The following GNAQ variants were observed in gnomAD, a reference collection of about 807,000 sequenced individuals.
GNAQ encodes guanine nucleotide-binding protein G(q) subunit alpha.
A neutral mutation model predicts 43.9 loss-of-function variants in GNAQ; 8 were observed. The ratio of observed to expected loss-of-function variants is 0.18; its 90% CI spans 0.11 to 0.33. GNAQ has a LOEUF of 0.33. GNAQ is among the 10% of genes least tolerant of loss of function. The pLI is 1.00. For missense variants in GNAQ, 158 were observed against 450.8 expected, an observed-to-expected ratio of 0.35 and a Z score of 5.88; for synonymous variants, 155 against 170.7, an observed-to-expected ratio of 0.91 and a Z score of 0.71.
intron 2 of GNAQ, among the ~76,000 whole-genome samples, chr9:77,890,227 A>G (rs1461631818): frequency 6.6e-6 from 1 of 152,218 alleles, no homozygotes; most frequent in Non-Finnish European, 1.5e-5. Flanking sequence ...CCATACTCCT[A>G]GAATCCTCCA....
In GNAQ at chr9:77,758,163, C is replaced by T. The variant is rs552352086; in HGVS notation, c.736-29496G>A. ...ACCATCTTTAATTCTCTGTGTGCTG[C>T]GCCACGCAAAGACATTTGTCTTACA... On this transcript the variant is annotated intron_variant, in intron 5 of 6. Coordinates refer to ENST00000286548, the MANE Select transcript of GNAQ (RefSeq NM_002072.5). 2.8e-4 allele frequency among the ~76,000 whole-genome samples: 42 copies of T among 152,324 alleles called. 1 individual carries two copies. Among genetic ancestry groups the T allele is most frequent in the East Asian group, 9.6e-4 (5 of 5,188 alleles).
At chr9:77,760,846 C>T (rs1304980466) in intron 5 of GNAQ, among the ~76,000 whole-genome samples, 2 of 145,232 alleles carry the variant, frequency 1.4e-5, no homozygotes, top group African/African-American at 5.2e-5. Flanking sequence ...GTGGGGAGTG[C>T]CTTTGCGCCA....
In GNAQ at chr9:77,845,412, CT is replaced by C. The variant is rs1480206907; in HGVS notation, c.322-29643del. 2.6e-5 allele frequency among the ~76,000 whole-genome samples: 4 copies of C among 152,266 alleles called. No homozygotes were observed. In the East Asian group the frequency reaches 7.7e-4, roughly 29 times the overall value. ...ATAATGCAAATTCCTTACAATCTAT[CT>C]GGCATCAAGAAAAAATGTAGGTTAC... On this transcript the variant is annotated intron_variant, in intron 2 of 6. Transcript: ENST00000286548.
chr9:77,735,532 G>T lies in GNAQ; in HGVS notation c.736-6865C>A, dbSNP rs144511101. ...AAAAAATTTGCAAGCCTAGTCTTCT[G>T]CATATTTCTTTCCTCCCTTGATTGT... On this transcript the variant is annotated intron_variant, in intron 5 of 6. Coordinates refer to ENST00000286548, the MANE Select transcript of GNAQ (RefSeq NM_002072.5). Among the ~76,000 whole-genome samples, 66 of 152,284 alleles carry T rather than the reference G, an allele frequency of 4.3e-4. 1 individual carries two copies. The highest frequency in any genetic ancestry group is 5.7e-4 in the Non-Finnish European group (39 of 68,028).
chr9:77,907,414 T>A (rs1361683507), intron 2 of GNAQ, among the ~76,000 whole-genome samples: 1 of 152,166 alleles, frequency 6.6e-6, no homozygotes, highest in Admixed American at 6.6e-5. Context: ...AAAGAATATA[T>A]GAGCTTTCCT....
intron 1 of GNAQ, among the ~76,000 whole-genome samples, chr9:77,962,263 G>A (rs1823115450): frequency 6.6e-6 from 1 of 151,990 alleles, no homozygotes; most frequent in East Asian, 1.9e-4. Context: ...AATATTTGAA[G>A]AAACAGCATC....
intron 3 of GNAQ, among the ~76,000 whole-genome samples, chr9:77,813,979 G>C (rs986305517): frequency 6.6e-6 from 1 of 152,140 alleles, no homozygotes; most frequent in East Asian, 1.9e-4. Flanking sequence ...AGTTAAGAGA[G>C]AGCCAGAGAG....
intron 1 of GNAQ, among the ~76,000 whole-genome samples, chr9:78,030,173 T>C (rs958639752): frequency 1.3e-5 from 2 of 152,216 alleles, no homozygotes; most frequent in African/African-American, 2.4e-5. Flanking sequence ...AAAAGGTTTC[T>C]ATTTGTTGCC....
intron 1 of GNAQ, among the ~76,000 whole-genome samples, chr9:77,938,960 C>A (rs1213919803): frequency 6.6e-6 from 1 of 152,214 alleles, no homozygotes; most frequent in African/African-American, 2.4e-5. Flanking sequence ...GCAGATGGGA[C>A]TGACAGGGCC....
intron 1 of GNAQ, among the ~76,000 whole-genome samples, chr9:77,988,092 G>C (rs1209201747): frequency 6.6e-6 from 1 of 152,210 alleles, no homozygotes; most frequent in African/African-American, 2.4e-5. Context: ...GAGGTTAGTA[G>C]GTTCAAGGAA....
chr9:77,983,462 G>T (rs1823393742), intron 1 of GNAQ, among the ~76,000 whole-genome samples: 1 of 152,178 alleles, frequency 6.6e-6, no homozygotes, highest in African/African-American at 2.4e-5. Flanking sequence ...ACTCCTCTGG[G>T]CCCCTCCCCT....
chr9:78,001,393 A>G (rs1183680494), intron 1 of GNAQ, among the ~76,000 whole-genome samples: 1 of 151,678 alleles, frequency 6.6e-6, no homozygotes, highest in Non-Finnish European at 1.5e-5. Flanking sequence ...ACAGAGCGAC[A>G]CTCCATCTCA....
At chr9:77,864,538 G>C in intron 2 of GNAQ, among the ~76,000 whole-genome samples, 1 of 152,170 alleles carries the variant, frequency 6.6e-6, no homozygotes, top group East Asian at 1.9e-4. Context: ...GATGCAAAGT[G>C]AGATGGACCT....
chr9:77,790,800 C>A lies in GNAQ; in HGVS notation c.735+3663G>T, dbSNP rs577404854. ...GGCCTTCAGTGACCTTGGCCACAGG[C>A]CTTCATCTCTTCATTCCTGTAACCT... is the stretch of plus-strand genomic sequence containing the variant. On this transcript the variant is annotated intron_variant, in intron 5 of 6. Coordinates refer to ENST00000286548, the MANE Select transcript of GNAQ (RefSeq NM_002072.5). Among the ~76,000 whole-genome samples, 8 of 152,330 alleles carry A rather than the reference C, an allele frequency of 5.3e-5. No homozygotes were observed. The East Asian group carries it at 1.4e-3, about 26-fold the overall frequency.
At chr9:77,965,211 A>ATACTAT (rs1823151577) in intron 1 of GNAQ, among the ~76,000 whole-genome samples, 3 of 152,030 alleles carry the variant, frequency 2.0e-5, no homozygotes, top group African/African-American at 7.2e-5. Flanking sequence ...AACTACCACC[A>ATACTAT]ATCAACACCC....
chr9:78,009,759 C>G (rs1823751499), intron 1 of GNAQ, among the ~76,000 whole-genome samples: 1 of 151,976 alleles, frequency 6.6e-6, no homozygotes, highest in Non-Finnish European at 1.5e-5. Flanking sequence ...TGAATCTGAT[C>G]TTGGAAGGAT....
intron 1 of GNAQ, among the ~76,000 whole-genome samples, chr9:77,948,399 T>C (rs1587425743): frequency 6.6e-6 from 1 of 152,174 alleles, no homozygotes; most frequent in African/African-American, 2.4e-5. Context: ...CAGCCAGAGA[T>C]GGCCTTTTAC....
chr9:77,926,517 C>T (rs1829074859), intron 1 of GNAQ, among the ~76,000 whole-genome samples: 2 of 152,130 alleles, frequency 1.3e-5, no homozygotes, highest in South Asian at 4.1e-4. Context: ...TCTGACCAAT[C>T]TAAAGAAATA....
intron 2 of GNAQ, among the ~76,000 whole-genome samples, chr9:77,848,433 AACT>A (rs1373531088): frequency 6.6e-6 from 1 of 152,228 alleles, no homozygotes; most frequent in African/African-American, 2.4e-5. Context: ...CTTAGGGTGC[AACT>A]CTCTTAACAA....
Sources: allele counts gnomAD v4.1 joint callset (sites outside exome capture counted in the v4.1 genomes callset), GRCh38; gene constraint gnomAD v4.1.1; transcripts MANE v1.5; gene names NCBI Gene and HGNC (gene_info 2026-07-23, HGNC 2026-07-21).